The following SUMF1 variants were observed in gnomAD, a reference collection of about 807,000 sequenced individuals.
SUMF1 encodes formylglycine-generating enzyme.
Under a neutral mutation model 47.6 loss-of-function variants are expected in SUMF1, and 48 were observed. The observed-to-expected ratio is 1.01, with a 90% CI of 0.80 to 1.28. SUMF1 has a LOEUF of 1.28. Ranked by LOEUF, SUMF1 falls within the 50% of genes most tolerant of loss-of-function variation. The probability of loss-of-function intolerance (pLI) is 0.00; values close to 1 mark genes in which losing one functional copy is unlikely to be tolerated. For synonymous variants in SUMF1, 230 were observed against 192.1 expected (o/e 1.20, Z -1.63); for missense variants, 571 against 485.4 (o/e 1.18, Z -1.66).
chr3:4,152,563 G>A (rs1694361149), intron 8 of SUMF1, among the ~76,000 whole-genome samples: 1 of 151,388 alleles, frequency 6.6e-6, no homozygotes, highest in Non-Finnish European at 1.5e-5. Flanking sequence ...ACAGTGCTGG[G>A]ATTACAGGCA....
At chr3:4,456,917 T>TGTGTGTGTGTGTATATATAC in intron 1 of SUMF1, among the ~76,000 whole-genome samples, 1 of 129,706 alleles carries the variant, frequency 7.7e-6, no homozygotes, top group African/African-American at 2.8e-5. Flanking sequence ...TCTATATACG[T>TGTGTGTGTGTGTATATATAC]GTGTGTGTAT....
At chr3:4,282,012 T>C (rs910705635) in intron 8 of SUMF1, among the ~76,000 whole-genome samples, 1 of 152,200 alleles carries the variant, frequency 6.6e-6, no homozygotes, top group Non-Finnish European at 1.5e-5. Flanking sequence ...CTTAAGTCTT[T>C]TGGTAAAAAC....
intron 9 of SUMF1, among the ~76,000 whole-genome samples, chr3:4,055,190 A>G (rs1468138036): frequency 6.6e-6 from 1 of 152,208 alleles, no homozygotes; most frequent in African/African-American, 2.4e-5. Context: ...TATGGTACAA[A>G]TGATGATATG....
chr3:4,391,164 T>C (rs1000629910), intron 7 of SUMF1, among the ~76,000 whole-genome samples: 1 of 152,214 alleles, frequency 6.6e-6, no homozygotes, highest in Non-Finnish European at 1.5e-5. Context: ...CTGTATGTGA[T>C]GAACTGTTTT....
intron 8 of SUMF1, among the ~76,000 whole-genome samples, chr3:4,302,013 A>G (rs568342777): frequency 3.9e-5 from 6 of 152,340 alleles, no homozygotes; most frequent in Admixed American, 2.6e-4. Flanking sequence ...CAGGAAAACA[A>G]CAAGAGGATA....
intron 8 of SUMF1, among the ~76,000 whole-genome samples, chr3:4,071,463 G>C (rs1282023111): frequency 2.0e-5 from 3 of 152,218 alleles, no homozygotes; most frequent in Non-Finnish European, 4.4e-5. Context: ...CCTTTCCCAT[G>C]GTCTTTGCAA....
chr3:4,159,786 T>G (rs1694535018), intron 8 of SUMF1, among the ~76,000 whole-genome samples: 1 of 152,184 alleles, frequency 6.6e-6, no homozygotes, highest in South Asian at 2.1e-4. Context: ...GAGAAAGTCT[T>G]AATTTCTCTT....
In SUMF1 at chr3:4,222,112, A is replaced by G. The variant is rs142731835; in HGVS notation, c.1015-153367T>C. Among the ~76,000 whole-genome samples the G allele has an allele frequency of 2.7e-3, 406 of 152,278 alleles. 4 individuals are homozygous for G. The highest frequency in any genetic ancestry group is 9.5e-3 in the African/African-American group (395 of 41,578). On this transcript the variant is annotated intron_variant and NMD_transcript_variant, in intron 8 of 12. Transcript: ENST00000448413. ...AGATTTCATTTTGATTATATAATAC[A>G]GTAAAAAGTAACTGGAAGAGCATGT...
At chr3:4,231,585 A>G (rs537569858) in intron 8 of SUMF1, among the ~76,000 whole-genome samples, 1 of 152,268 alleles carries the variant, frequency 6.6e-6, no homozygotes, top group African/African-American at 2.4e-5. Flanking sequence ...AATTGCCCCA[A>G]TGATATGCCC....
intron 8 of SUMF1, among the ~76,000 whole-genome samples, chr3:4,348,701 C>G (rs1281008446): frequency 1.4e-5 from 2 of 142,668 alleles, no homozygotes; most frequent in Non-Finnish European, 3.0e-5. Flanking sequence ...GCTGTCTCTA[C>G]TAAAAATACA....
intron 8 of SUMF1, among the ~76,000 whole-genome samples, chr3:4,197,114 A>G (rs1695445315): frequency 6.6e-6 from 1 of 152,132 alleles, no homozygotes; most frequent in African/African-American, 2.4e-5. Context: ...AGGAGTTCAG[A>G]AAAGAGAGCA....
At chr3:4,061,105 T>C (rs1190952404) in intron 9 of SUMF1, among the ~76,000 whole-genome samples, 3 of 152,186 alleles carry the variant, frequency 2.0e-5, no homozygotes, top group Non-Finnish European at 4.4e-5. Flanking sequence ...AGAGTTTAAT[T>C]GAGCAAAGAA....
intron 8 of SUMF1, among the ~76,000 whole-genome samples, chr3:4,218,231 G>C (rs1050757040): frequency 6.6e-6 from 1 of 152,014 alleles, no homozygotes; most frequent in South Asian, 2.1e-4. Flanking sequence ...TTGACCTCAT[G>C]CTTCTAGCCT....
chr3:4,316,096 G>C, intron 8 of SUMF1: 1 of 513,194 alleles, frequency 1.9e-6, no homozygotes, highest in Non-Finnish European at 3.5e-6. Flanking sequence ...GTTGGAATTT[G>C]GTATTTGATA....
intron 7 of SUMF1, among the ~76,000 whole-genome samples, chr3:4,381,280 T>C (rs1406495976): frequency 1.3e-5 from 2 of 152,138 alleles, no homozygotes; most frequent in Non-Finnish European, 2.9e-5. Context: ...AAGTGGGAGC[T>C]AAGCTACGAG....
At chr3:4,332,037 A>G (rs1699061924) in intron 8 of SUMF1, among the ~76,000 whole-genome samples, 2 of 152,198 alleles carry the variant, frequency 1.3e-5, no homozygotes. Context: ...TTTACTAAAG[A>G]TTAATAAAGT....
intron 8 of SUMF1, among the ~76,000 whole-genome samples, chr3:4,362,687 T>C (rs1260338421): frequency 1.3e-5 from 2 of 152,166 alleles, no homozygotes; most frequent in Non-Finnish European, 2.9e-5. Context: ...TTTGGGAGGC[T>C]GAAATGGGAG....
At chr3:4,068,756 TAAGAAG>T (rs34308595) in intron 8 of SUMF1, 24 of 328,902 alleles carry the variant, frequency 7.3e-5, no homozygotes, top group African/African-American at 1.1e-4. Context: ...CTAAAACAAA[TAAGAAG>T]AAGAAGAAGA....
At chr3:4,074,125 T>C (rs1236046029) in intron 8 of SUMF1, among the ~76,000 whole-genome samples, 1 of 152,038 alleles carries the variant, frequency 6.6e-6, no homozygotes, top group Non-Finnish European at 1.5e-5. Flanking sequence ...AGAACAGAAA[T>C]CACAACAAAC....
Sources: gnomAD v4.1 joint callset for allele counts (sites outside exome capture counted in the v4.1 genomes callset) on GRCh38, gnomAD v4.1.1 for gene constraint, MANE v1.5 for transcripts, NCBI Gene and HGNC (gene_info 2026-07-23, HGNC 2026-07-21) for gene names.